Variants in IGF2R observed in about 807,000 individuals in gnomAD.
IGF2R encodes the protein cation-independent mannose-6-phosphate receptor.
Under a neutral mutation model 270.6 loss-of-function variants are expected in IGF2R, and 91 were observed. The ratio of observed to expected loss-of-function variants is 0.34; its 90% CI spans 0.28 to 0.40. The LOEUF is 0.40. Among genes scored for constraint, IGF2R ranks in the 10% least tolerant of loss-of-function variants. IGF2R has a pLI of 1.00. For synonymous variants in IGF2R, 1,316 were observed against 1,258.9 expected (o/e 1.05, Z -0.96); for missense variants, 2,805 against 3,188.3 (o/e 0.88, Z 2.90).
intron 1 of IGF2R, among the ~76,000 whole-genome samples, chr6:159,969,931 C>T (rs1783583487): frequency 6.6e-6 from 1 of 151,350 alleles, no homozygotes; most frequent in African/African-American, 2.4e-5. Context: ...CTCATTTTCT[C>T]TTTAAAGAAT....
chr6:160,050,431 A>G lies in IGF2R; in HGVS notation c.2515-42A>G, dbSNP rs772670957. The G allele has an allele frequency of 5.7e-6, 9 of 1,570,914 alleles. 1 individual carries two copies. The highest frequency in any genetic ancestry group is 4.3e-6 in the Non-Finnish European group (5 of 1,150,006). On this transcript the variant is annotated intron_variant, in intron 18 of 47. Transcript: ENST00000356956. This position sits in a 1 kb window ranked among gnomAD's most constrained non-coding sequence, Gnocchi z 4.0. ...CCACCACCAATAACGAATCGACTGT[A>G]TCTTCAGGGGGAAAAGCCTAACAAG...
At chr6:160,001,035 C>T (rs1562338083) in intron 2 of IGF2R, among the ~76,000 whole-genome samples, 1 of 152,066 alleles carries the variant, frequency 6.6e-6, no homozygotes, top group Non-Finnish European at 1.5e-5. Context: ...CCACGCCTGG[C>T]CTGGTATGAG....
chr6:159,974,092 A>G (rs1032502380), intron 1 of IGF2R, among the ~76,000 whole-genome samples: 2 of 152,180 alleles, frequency 1.3e-5, no homozygotes, highest in African/African-American at 4.8e-5. Context: ...CCGAATTACA[A>G]TTTTGCATTT....
chr6:160,029,444 C>T (rs1490728541), intron 6 of IGF2R, 106 bp from the exon 7 acceptor site: 2 of 632,056 alleles, frequency 3.2e-6, no homozygotes, highest in Admixed American at 2.5e-5. Context: ...TCTTCTGTTA[C>T]CCTCTCCTCC....
chr6:160,037,224 T>G (rs1777846902), intron 10 of IGF2R, among the ~76,000 whole-genome samples: 1 of 152,198 alleles, frequency 6.6e-6, no homozygotes. Context: ...TCATTATGAT[T>G]GTAACAAGGA....
intron 34 of IGF2R, 34 bp from the exon 35 acceptor site, chr6:160,073,723 T>C (rs764132298): frequency 7.0e-6 from 11 of 1,575,100 alleles, no homozygotes; most frequent in South Asian, 1.1e-5. Context: ...GAAAATTTTT[T>C]TGTAGACTCA....
intron 2 of IGF2R, among the ~76,000 whole-genome samples, chr6:159,996,587 T>C (rs1377046986): frequency 6.6e-6 from 1 of 152,142 alleles, no homozygotes; most frequent in Non-Finnish European, 1.5e-5. Context: ...TGGGGGTTGC[T>C]CCAGCTCCAT....
chr6:160,069,765 C>A, intron 30 of IGF2R, 103 bp from the exon 31 acceptor site: 2 of 983,014 alleles, frequency 2.0e-6, no homozygotes, highest in South Asian at 1.6e-5. Flanking sequence ...TCTTAGAAAG[C>A]GTATGAAGTT....
chr6:159,975,343 C>G (rs1426137526), intron 1 of IGF2R, among the ~76,000 whole-genome samples: 2 of 152,186 alleles, frequency 1.3e-5, no homozygotes, highest in Non-Finnish European at 2.9e-5. Flanking sequence ...GGTGCGGAGC[C>G]TCTGTGACCT....
At chr6:160,074,745 T>A (rs892479479) in intron 35 of IGF2R, among the ~76,000 whole-genome samples, 2 of 152,256 alleles carry the variant, frequency 1.3e-5, no homozygotes, top group South Asian at 4.1e-4. Context: ...TTGTAACATA[T>A]CTAGATGTCC....
intron 1 of IGF2R, among the ~76,000 whole-genome samples, chr6:159,983,922 A>G (rs1222539025): frequency 1.3e-5 from 2 of 152,222 alleles, no homozygotes; most frequent in Non-Finnish European, 2.9e-5. Flanking sequence ...GAGGTTGTGG[A>G]AGGCAATGCT....
intron 6 of IGF2R, 117 bp downstream of exon 6, chr6:160,027,431 C>A: frequency 8.9e-7 from 1 of 1,124,414 alleles, no homozygotes; most frequent in Non-Finnish European, 1.2e-6. Context: ...TGCAGCATTG[C>A]TGCTTCACAT....
Position 160,062,536 on chromosome 6 carries a change from C to T in IGF2R, c.3587C>T (p.Ser1196Leu), listed in dbSNP as rs1778463225. ...GGCTGCTGATTTATATTACAGGGCT[C>T]ACCAGCATTTCAGCTTCAGGATGGT... Reference protein sequence around the residue: ...ITFECAQISGSPAFQLQDGCE... With the variant: ...ITFECAQISGLPAFQLQDGCE... The change falls in exon 26 of 48, where the codon TCA becomes TTA. Residue 1196 changes from serine (S) to leucine (L), a missense_variant. Physicochemically the swap from Ser to Leu is moderately radical, Grantham distance 145. Transcript: ENST00000356956. 6.2e-7 allele frequency: 1 copy of T among 1,611,400 alleles called. No homozygotes were observed. Among genetic ancestry groups the T allele is most frequent in the Non-Finnish European group, 8.5e-7 (1 of 1,177,638 alleles).
intron 1 of IGF2R, among the ~76,000 whole-genome samples, chr6:159,969,646 T>G (rs561524662): frequency 1.3e-5 from 2 of 152,208 alleles, no homozygotes; most frequent in South Asian, 4.1e-4. Flanking sequence ...CGGCCACTTG[T>G]GGCTGTCGCT....
chr6:160,019,823 G>A (rs901039060), intron 4 of IGF2R, among the ~76,000 whole-genome samples: 1 of 152,042 alleles, frequency 6.6e-6, no homozygotes, highest in African/African-American at 2.4e-5. Flanking sequence ...ATAATAAAAG[G>A]CATATACGAC....
At chr6:160,099,863 A>T (rs1365348412) in intron 45 of IGF2R, among the ~76,000 whole-genome samples, 1 of 152,190 alleles carries the variant, frequency 6.6e-6, no homozygotes, top group Non-Finnish European at 1.5e-5. Context: ...CAGTGATAGC[A>T]TCATATGAAA....
intron 1 of IGF2R, among the ~76,000 whole-genome samples, chr6:159,989,838 C>G (rs533904185): frequency 6.6e-6 from 1 of 152,250 alleles, no homozygotes; most frequent in Non-Finnish European, 1.5e-5. Flanking sequence ...AAACATTCTC[C>G]CCAGGGAAGG....
chr6:160,046,736 T>TAAAGCAATGACATTAAG, intron 15 of IGF2R, 91 bp downstream of exon 15: 3 of 1,342,422 alleles, frequency 2.2e-6, no homozygotes, highest in Non-Finnish European at 3.1e-6. Flanking sequence ...CTTAATGTCA[T>TAAAGCAATGACATTAAG]TGCTTTATGA....
At chr6:160,008,881 A>C in intron 2 of IGF2R, 129 bp from the exon 3 acceptor site, 1 of 920,572 alleles carries the variant, frequency 1.1e-6, no homozygotes, top group Non-Finnish European at 1.6e-6. Flanking sequence ...ATTCTGGGAA[A>C]GGACAGTTTT....
Sources: allele counts gnomAD v4.1 joint callset (sites outside exome capture counted in the v4.1 genomes callset), GRCh38; gene constraint gnomAD v4.1.1; non-coding constraint Gnocchi (gnomAD v3.1); transcripts MANE v1.5; gene names NCBI Gene and HGNC (gene_info 2026-07-23, HGNC 2026-07-21).